EML2: variants seen among roughly 807,000 people sequenced by gnomAD.
EML2 encodes EMAP like 2.
In EML2, 59 loss-of-function variants were observed where a neutral mutation model predicts 84.7. That is an observed-to-expected ratio of 0.70 (90% CI 0.56 to 0.86). EML2 has a LOEUF of 0.86. EML2 is among the 40% of genes least tolerant of loss of function. EML2 has a pLI of 0.00. For synonymous variants in EML2, 352 were observed against 348.9 expected (o/e 1.01, Z -0.10); for missense variants, 818 against 855.6 (o/e 0.96, Z 0.55).
upstream of EML2, chr19:45,644,982 G>A (rs971770251): frequency 3.8e-6 from 2 of 520,734 alleles, no homozygotes; most frequent in Non-Finnish European, 7.0e-6. Flanking sequence ...AGGCCCAATC[G>A]ACCCCCAGGC....
chr19:45,610,273 C>G (rs184013810), intron 18 of EML2, among the ~76,000 whole-genome samples: 3 of 151,786 alleles, frequency 2.0e-5, no homozygotes, highest in African/African-American at 7.3e-5. Flanking sequence ...GGCGCATGCC[C>G]GTAATCCGAG....
chr19:45,613,557 G>C lies in EML2; in HGVS notation c.1808C>G (p.Pro603Arg), dbSNP rs760192491. ...GGGACTCACTCGAGGCTGACAGCAG[G>C]GGTAGCTAAACAGGTGAACTTTGCC... Reference protein sequence around the residue: ...DFGKVHLFSYPCCQPRALSHK... With the variant: ...DFGKVHLFSYRCCQPRALSHK... Residue 603 changes from proline to arginine, a missense_variant, in exon 18 of 19, where the codon CCC (proline) becomes CGC (arginine). Physicochemically the swap from Pro to Arg is moderately radical, Grantham distance 103 (BLOSUM62 -2). Coordinates refer to ENST00000245925, the MANE Select transcript of EML2 (RefSeq NM_012155.4). 6.2e-7 allele frequency: 1 copy of C among 1,614,002 alleles called. No individual in the cohort carries two copies. Among genetic ancestry groups the C allele is most frequent in the Non-Finnish European group, 8.5e-7 (1 of 1,179,968 alleles).
In EML2 at chr19:45,609,500, T is replaced by A. The variant is rs1970261948; in HGVS notation, c.*163A>T. On this transcript the variant is annotated 3_prime_UTR_variant, in exon 19 of 19. Coordinates refer to ENST00000245925, the MANE Select transcript of EML2 (RefSeq NM_012155.4). ...ATCCCCAAAGCGATGTGACTCCCTC[T>A]TCCCACCCGGATAAATAGAGACTTC... 2.5e-6 allele frequency: 2 copies of A among 793,982 alleles called. No homozygotes were observed. The highest frequency in any genetic ancestry group is 8.3e-5 in the Admixed American group (2 of 24,216). The allele number at this position is 793,982 out of a possible 1,614,324, so 49.2% of individuals were successfully genotyped here.
chr19:45,613,821 T>C (rs181275534), intron 17 of EML2, 150 bp from the exon 18 acceptor site: 2 of 972,040 alleles, frequency 2.1e-6, no homozygotes, highest in East Asian at 5.4e-5. Flanking sequence ...AAAATGTGAA[T>C]CCGAGCCTGC....
chr19:45,642,279 T>A, upstream of EML2: 1 of 1,535,914 alleles, frequency 6.5e-7, no homozygotes. Context: ...CGTCTTCCTG[T>A]AACTGCAGCC....
intron 6 of EML2, among the ~76,000 whole-genome samples, chr19:45,632,218 C>A (rs1973135026): frequency 6.7e-6 from 1 of 148,692 alleles, no homozygotes; most frequent in Non-Finnish European, 1.5e-5. Flanking sequence ...GTACGAGTCT[C>A]GCTCTGTCGC....
chr19:45,627,922 G>A (rs12979428), intron 7 of EML2, among the ~76,000 whole-genome samples: 54,286 of 151,922 alleles, frequency 0.36, 9,835 homozygotes, highest in East Asian at 0.4. Context: ...TTAGCTGGTC[G>A]TGGTGGTGCA....
At chr19:45,625,562 C>T (rs1296253603) in intron 8 of EML2, among the ~76,000 whole-genome samples, 3 of 152,084 alleles carry the variant, frequency 2.0e-5, no homozygotes, top group East Asian at 3.9e-4. Flanking sequence ...GACTTCTCCC[C>T]TCCTGTCGGC....
chr19:45,634,545 A>G (rs1973487834), intron 3 of EML2, 74 bp from the exon 4 acceptor site: 2 of 1,145,624 alleles, frequency 1.7e-6, no homozygotes, highest in Non-Finnish European at 2.2e-6. Flanking sequence ...TTATTTATTT[A>G]TTTATTTTTA....
rs150352479 is a variant in EML2, at chr19:45,614,873, C to T, written c.1598-173G>A. On this transcript the variant is annotated intron_variant, in intron 16 of 18. Transcript: ENST00000245925. ...CATCACATGCTGGGGTCTTCACAGC[C>T]CGCAGCGTAAGCAGGAGCATCTACT... 1.4e-4 allele frequency: 80 copies of T among 571,362 alleles called. No homozygotes were observed. In the East Asian group the frequency reaches 2.2e-3, roughly 16 times the overall value. The allele number at this position is 571,362 out of a possible 1,614,324, so 35.4% of individuals were successfully genotyped here.
In EML2 at chr19:45,632,849, C is replaced by T. The variant is rs371478730; in HGVS notation, c.510+12G>A. On this transcript the variant is annotated intron_variant, in intron 6 of 18. Transcript: ENST00000245925. Reference sequence around the variant, plus strand: ...GGCGAAGGGGCGGGGTTAGGGTGGGCGAAGGACTTACAGATTTGGAGAAGC... The same window carrying T: ...GGCGAAGGGGCGGGGTTAGGGTGGGTGAAGGACTTACAGATTTGGAGAAGC... 1.2e-6 allele frequency: 2 copies of T among 1,611,040 alleles called. No individual in the cohort carries two copies. The highest frequency in any genetic ancestry group is 1.7e-6 in the Non-Finnish European group (2 of 1,178,112).
At chr19:45,618,525 G>A (rs1232377042) in intron 12 of EML2, among the ~76,000 whole-genome samples, 1 of 151,966 alleles carries the variant, frequency 6.6e-6, no homozygotes, top group Non-Finnish European at 1.5e-5. Flanking sequence ...CCTCCTCATG[G>A]CGGCACCCCT....
At chr19:45,624,609 G>T in intron 9 of EML2, 110 bp downstream of exon 9, 1 of 751,094 alleles carries the variant, frequency 1.3e-6, no homozygotes, top group South Asian at 1.8e-5. Flanking sequence ...TGTTGGAATC[G>T]GACATCCATT....
intron 3 of EML2, among the ~76,000 whole-genome samples, chr19:45,635,777 A>T (rs540210789): frequency 6.6e-6 from 1 of 150,522 alleles, no homozygotes; most frequent in South Asian, 2.1e-4. Context: ...TTTTTAGTAG[A>T]GAAAGGGTTT....
Position 45,621,580 on chromosome 19 carries a change from A to AGCCCAAACAC in EML2, c.889_898dup (p.Leu300ArgfsTer19). On this transcript the variant is annotated frameshift_variant, in exon 10 of 19. Transcript: ENST00000245925. LOFTEE classifies it high-confidence loss of function. ...CAGCGTCCCGTCCCGCAGGGCGCAG[A>AGCCCAAACAC]GCCCAAACACGCCGCCGTCGTGGGC... 2 of 1,612,256 alleles carry AGCCCAAACAC rather than the reference A, an allele frequency of 1.2e-6. No individual in the cohort carries two copies. Among genetic ancestry groups the AGCCCAAACAC allele is most frequent in the Non-Finnish European group, 1.7e-6 (2 of 1,179,916 alleles).
rs754097938 is a variant in EML2 at position 45,621,437 on chromosome 19, G to A, written c.996+46C>T. The A allele has an allele frequency of 1.5e-5, 23 of 1,572,158 alleles. No individual in the cohort carries two copies. The Middle Eastern group carries it at 5.1e-4, about 35-fold the overall frequency. On this transcript the variant is annotated intron_variant, in intron 10 of 18. Transcript: ENST00000245925. ...TGGCGTTGGGAGCCCTGGTGAGATCGGGGGGGGCCTCTCTACCCCCATCTG... is the reference window on the plus strand; with the variant it reads ...TGGCGTTGGGAGCCCTGGTGAGATCAGGGGGGGCCTCTCTACCCCCATCTG...
At position 45,626,061 on chromosome 19, in the gene EML2, G is replaced by A. The variant is rs532673329; in HGVS notation, c.741+644C>T. On this transcript the variant is annotated intron_variant, in intron 8 of 18. Coordinates refer to ENST00000245925, the MANE Select transcript of EML2 (RefSeq NM_012155.4). ...CTGGCTAATTTTTGTATTTTTTGTA[G>A]ATATGAGGTCTCTCCATGTTTCCCA... Among the ~76,000 whole-genome samples the A allele has an allele frequency of 2.6e-5, 4 of 151,486 alleles. No individual in the cohort carries two copies. In the East Asian group the frequency reaches 7.8e-4, roughly 30 times the overall value.
intron 17 of EML2, 96 bp from the exon 18 acceptor site, chr19:45,613,767 G>A (rs1038941162): frequency 5.8e-5 from 84 of 1,457,026 alleles, no homozygotes; most frequent in Non-Finnish European, 7.2e-5. Context: ...AATTTGTTCC[G>A]ACCTAGCCTG....
intron 15 of EML2, 124 bp downstream of exon 15, chr19:45,616,337 C>G: frequency 1.4e-6 from 1 of 719,078 alleles, no homozygotes; most frequent in South Asian, 1.8e-5. Context: ...GCCAAGACTC[C>G]TTGCTCTGAT....
Sources: gnomAD v4.1 joint callset for allele counts (sites outside exome capture counted in the v4.1 genomes callset) on GRCh38, gnomAD v4.1.1 for gene constraint, MANE v1.5 for transcripts, NCBI Gene and HGNC (gene_info 2026-07-23, HGNC 2026-07-21) for gene names.